Variants in MFSD2B observed in about 807,000 individuals in gnomAD.
The protein encoded by MFSD2B is sphingosine-1-phosphate transporter MFSD2B.
In MFSD2B, 56 loss-of-function variants were observed where a neutral mutation model predicts 58.4. The observed-to-expected ratio is 0.96, with a 90% confidence interval of 0.77 to 1.20. MFSD2B has a LOEUF of 1.20. Among genes scored for constraint, MFSD2B ranks in the 50% most tolerant of loss-of-function variants. The pLI is 0.00. For missense variants in MFSD2B, 645 were observed against 667.6 expected, an observed-to-expected ratio of 0.97 and a Z score of 0.37; for synonymous variants, 287 against 294.4, an observed-to-expected ratio of 0.97 and a Z score of 0.26.
chr2:24,021,731 G>T lies in MFSD2B; in HGVS notation c.765G>T (p.Glu255Asp). The T allele has an allele frequency of 1.2e-6, 2 of 1,613,512 alleles. No homozygotes were observed. The highest frequency in any genetic ancestry group is 1.7e-6 in the Non-Finnish European group (2 of 1,179,686). The stretch of plus-strand genomic sequence containing the variant: ...GTTTACTGTGCCTAGGGGTGAAGGA[G>T]CGGCCAGGTATGGGGTTTGGTGAGG... ...CISLLCLGVK[E>D]RPDPSAPASG... is the part of the protein sequence containing the mutation. Residue 255 changes from glutamate (E) to aspartate (D), a missense_variant, in exon 7 of 14, where the codon GAG becomes GAT. Physicochemically the swap from Glu to Asp is conservative, Grantham distance 45. Coordinates refer to ENST00000338315, the MANE Select transcript of MFSD2B (RefSeq NM_001346880.2). The surrounding 1 kb of genome is among the most constrained non-coding windows in gnomAD (Gnocchi z 5.7).
rs2150943410 is a variant in MFSD2B, at chr2:24,024,402, G to A, written c.1490+131G>A. On this transcript the variant is annotated intron_variant, in intron 13 of 13. Coordinates refer to ENST00000338315, the MANE Select transcript of MFSD2B (RefSeq NM_001346880.2). The surrounding 1 kb of genome is among the most constrained non-coding windows in gnomAD (Gnocchi z 4.3). ...TCTGGGACCTCTTTCCTTAGCTCAG[G>A]GTCACCCTTTTCTCCTGGATTTTCT... 2 of 952,156 alleles carry A rather than the reference G, an allele frequency of 2.1e-6. No individual in the cohort carries two copies. Among genetic ancestry groups the A allele is most frequent in the East Asian group, 5.3e-5 (2 of 37,880 alleles). 59.0% of individuals were successfully genotyped at this position (952,156 alleles called of 1,614,324 possible).
At position 24,022,932 on chromosome 2, in the gene MFSD2B, G is replaced by A. The variant is rs1354981896; in HGVS notation, c.1059+30G>A. The stretch of plus-strand genomic sequence containing the variant: ...GTGAGGCGGGAATCAAGGATTGGGG[G>A]TGGCCGGAGGGGAGAGGTGAGCGAG... On this transcript the variant is annotated intron_variant, in intron 10 of 13. Transcript: ENST00000338315. The surrounding 1 kb of genome is among the most constrained non-coding windows in gnomAD (Gnocchi z 4.5). The A allele has an allele frequency of 1.3e-6, 2 of 1,587,384 alleles. No individual in the cohort carries two copies. Among genetic ancestry groups the A allele is most frequent in the African/African-American group, 1.3e-5 (1 of 74,576 alleles).
Position 24,024,129 on chromosome 2 carries a change from G to A in MFSD2B, c.1348G>A (p.Ala450Thr), listed in dbSNP as rs768971294. 5 of 1,613,894 alleles carry A rather than the reference G, an allele frequency of 3.1e-6. No homozygotes were observed. The highest frequency in any genetic ancestry group is 3.3e-5 in the Admixed American group (2 of 60,006). The change falls in exon 13 of 14, where the codon GCA becomes ACA. Residue 450 changes from alanine to threonine, a missense_variant. By Grantham distance (58) the Ala-to-Thr change is moderately conservative. Coordinates refer to ENST00000338315, the MANE Select transcript of MFSD2B (RefSeq NM_001346880.2). The surrounding 1 kb of genome is among the most constrained non-coding windows in gnomAD (Gnocchi z 4.3). ...SGYKAGVCKQ[A>T]EEVVVTLKVL... is the part of the protein sequence containing the mutation. ...GTATAAGGCAGGGGTCTGCAAGCAA[G>A]CAGAGGAGGTGGTGGTCACCCTCAA...
rs1662765236 is a variant in MFSD2B at position 24,021,098 on chromosome 2, A to T, written c.682-550A>T. 6.6e-6 allele frequency among the ~76,000 whole-genome samples: 1 copy of T among 151,742 alleles called. No individual in the cohort carries two copies. The highest frequency in any genetic ancestry group is 1.9e-4 in the East Asian group (1 of 5,158). On this transcript the variant is annotated intron_variant, in intron 6 of 13. Transcript: ENST00000338315. This position sits in a 1 kb window ranked among gnomAD's most constrained non-coding sequence, Gnocchi z 5.7. Reference sequence around the variant, plus strand: ...TTTTTAGTAGAGATGGGGTTTCACGATGTTGGCCAGGCTGGTCTGGAACTC... The same window carrying T: ...TTTTTAGTAGAGATGGGGTTTCACGTTGTTGGCCAGGCTGGTCTGGAACTC...
rs374381466 is a variant in MFSD2B at position 24,022,489 on chromosome 2, C to T, written c.951C>T (p.His317=). ...CACATGCCTCCCAGCTACACGACCACGTCCAGGGCCTGGTACTAACTGTCC... is the reference window on the plus strand; with the variant it reads ...CACATGCCTCCCAGCTACACGACCATGTCCAGGGCCTGGTACTAACTGTCC... ...FCTHASQLHD[H]VQGLVLTVLV... The change falls in exon 9 of 14, where the codon CAC becomes CAT. Residue 317 remains histidine, a synonymous_variant. Coordinates refer to ENST00000338315, the MANE Select transcript of MFSD2B (RefSeq NM_001346880.2). The surrounding 1 kb of genome is among the most constrained non-coding windows in gnomAD (Gnocchi z 4.5). 1.2e-4 allele frequency: 199 copies of T among 1,613,164 alleles called. No homozygotes were observed. The highest frequency in any genetic ancestry group is 1.3e-4 in the Non-Finnish European group (156 of 1,179,658).
At chr2:24,019,508 A>G (rs1662677779) in intron 6 of MFSD2B, among the ~76,000 whole-genome samples, 1 of 152,074 alleles carries the variant, frequency 6.6e-6, no homozygotes, top group African/African-American at 2.4e-5. Flanking sequence ...GGATCATTTG[A>G]GGTCAGGAGT....
In MFSD2B at chr2:24,017,589, G is replaced by A. The variant is rs565603389; in HGVS notation, c.681+1G>A. The A allele has an allele frequency of 5.8e-6, 9 of 1,551,380 alleles. No individual in the cohort carries two copies. In the African/African-American group the frequency reaches 9.5e-5, roughly 16 times the overall value. Reference sequence around the variant, plus strand: ...GCCAGTCACTGTCTCCCCGAATGCAGTAAGTGCACTGGGTGGCAAGGCCCC... The same window carrying A: ...GCCAGTCACTGTCTCCCCGAATGCAATAAGTGCACTGGGTGGCAAGGCCCC... On this transcript the variant is annotated splice_donor_variant, in intron 6 of 13. Coordinates refer to ENST00000338315, the MANE Select transcript of MFSD2B (RefSeq NM_001346880.2). LOFTEE classifies it high-confidence loss of function. The surrounding 1 kb of genome is among the most constrained non-coding windows in gnomAD (Gnocchi z 4.8).
rs564517459 is a variant in MFSD2B, at chr2:24,024,408, C to T, written c.1490+137C>T. On this transcript the variant is annotated intron_variant, in intron 13 of 13. Coordinates refer to ENST00000338315, the MANE Select transcript of MFSD2B (RefSeq NM_001346880.2). The surrounding 1 kb of genome is among the most constrained non-coding windows in gnomAD (Gnocchi z 4.3). The stretch of plus-strand genomic sequence containing the variant: ...ACCTCTTTCCTTAGCTCAGGGTCAC[C>T]CTTTTCTCCTGGATTTTCTTCTCCC... 44 of 888,192 alleles carry T rather than the reference C, an allele frequency of 5.0e-5. No homozygotes were observed. In the African/African-American group the frequency reaches 6.7e-4, roughly 14 times the overall value. The allele number at this position is 888,192 out of a possible 1,614,324, so 55.0% of individuals were successfully genotyped here.
Position 24,017,602 on chromosome 2 carries a change from G to T in MFSD2B, c.681+14G>T. On this transcript the variant is annotated intron_variant, in intron 6 of 13. Coordinates refer to ENST00000338315, the MANE Select transcript of MFSD2B (RefSeq NM_001346880.2). The surrounding 1 kb of genome is among the most constrained non-coding windows in gnomAD (Gnocchi z 4.8). ...TCCCCGAATGCAGTAAGTGCACTGG[G>T]TGGCAAGGCCCCCCAACCTGGGGTC... The T allele has an allele frequency of 6.5e-7, 1 of 1,538,782 alleles. No individual in the cohort carries two copies. The highest frequency in any genetic ancestry group is 8.8e-7 in the Non-Finnish European group (1 of 1,139,928).
rs1558319440 is a variant in MFSD2B, at chr2:24,013,294, G to A, written c.106G>A (p.Ala36Thr). 6.2e-7 allele frequency: 1 copy of A among 1,603,404 alleles called. No homozygotes were observed. The highest frequency in any genetic ancestry group is 8.5e-7 in the Non-Finnish European group (1 of 1,172,518). ...CCTGTGTCTCCTCCAGGACAGCAGA[G>A]CCGGTCGCCTCTCATTCTGTACAAA... ...SAKRGREDSR[A>T]GRLSFCTKVC... is the part of the protein sequence containing the mutation. Residue 36 changes from alanine (A) to threonine (T), a missense_variant, in exon 2 of 14, where the codon GCC becomes ACC. Physicochemically the swap from Ala to Thr is moderately conservative, Grantham distance 58. Transcript: ENST00000338315.
At position 24,017,309 on chromosome 2, in the gene MFSD2B, G is replaced by C. The variant is rs960835801; in HGVS notation, c.495G>C (p.Ala165=). ...LATFFQVPYT[A]LTMLLTPCPR... is the part of the protein sequence containing the mutation. Reference sequence around the variant, plus strand: ...AGTTCTTCCAGGTGCCCTACACAGCGCTCACCATGCTGCTGACTCCCTGCC... The same window carrying C: ...AGTTCTTCCAGGTGCCCTACACAGCCCTCACCATGCTGCTGACTCCCTGCC... The change falls in exon 5 of 14, where the codon GCG becomes GCC. Residue 165 remains alanine, a synonymous_variant. Coordinates refer to ENST00000338315, the MANE Select transcript of MFSD2B (RefSeq NM_001346880.2). The surrounding 1 kb of genome is among the most constrained non-coding windows in gnomAD (Gnocchi z 4.8). The C allele has an allele frequency of 6.2e-7, 1 of 1,604,268 alleles. No homozygotes were observed. The highest frequency in any genetic ancestry group is 1.7e-5 in the Admixed American group (1 of 58,948).
chr2:24,016,644 C>T (rs1709155129), intron 3 of MFSD2B, among the ~76,000 whole-genome samples: 1 of 152,200 alleles, frequency 6.6e-6, no homozygotes, highest in Non-Finnish European at 1.5e-5. Context: ...GCAGCTGGAG[C>T]TCCCACGAGG....
Position 24,016,917 on chromosome 2 carries a change from G to C in MFSD2B, c.420G>C (p.Leu140=). The stretch of plus-strand genomic sequence containing the variant: ...GGTTCCTGCCCCCCTTCACCAGCCT[G>C]CGAGGCCTCTGGTACACGACTTTCT... The part of the protein sequence containing the change: ...FLWFLPPFTS[L]RGLWYTTFYC... Residue 140 remains leucine, a synonymous_variant, in exon 4 of 14, where the codon CTG becomes CTC. Coordinates refer to ENST00000338315, the MANE Select transcript of MFSD2B (RefSeq NM_001346880.2). 6.2e-7 allele frequency: 1 copy of C among 1,613,932 alleles called. No individual in the cohort carries two copies. The highest frequency in any genetic ancestry group is 8.5e-7 in the Non-Finnish European group (1 of 1,179,872).
Position 24,017,516 on chromosome 2 carries a change from G to A in MFSD2B, c.609G>A (p.Val203=), listed in dbSNP as rs541826199. 2 of 1,587,500 alleles carry A rather than the reference G, an allele frequency of 1.3e-6. No homozygotes were observed. Among genetic ancestry groups the A allele is most frequent in the Non-Finnish European group, 1.7e-6 (2 of 1,167,022 alleles). The change falls in exon 6 of 14, where the codon GTG becomes GTA. Residue 203 remains valine (V), a synonymous_variant. Transcript: ENST00000338315. The surrounding 1 kb of genome is among the most constrained non-coding windows in gnomAD (Gnocchi z 4.8). ...GGGCCACTGTCCACGGGCTCATCGT[G>A]TCCGGCGCCCACAGACCCCACAGGT... ...LMGATVHGLI[V]SGAHRPHRCE... is the part of the protein sequence containing the mutation.
In MFSD2B at chr2:24,024,669, A is replaced by C. The variant is rs1662916563; in HGVS notation, c.1490+398A>C. On this transcript the variant is annotated intron_variant, in intron 13 of 13. Coordinates refer to ENST00000338315, the MANE Select transcript of MFSD2B (RefSeq NM_001346880.2). The surrounding 1 kb of genome is among the most constrained non-coding windows in gnomAD (Gnocchi z 4.3). ...ATATCACTGGCATGTGGACATTTCCACCTAGTAGCCCACAAGCCTGGCACT... is the reference window on the plus strand; with the variant it reads ...ATATCACTGGCATGTGGACATTTCCCCCTAGTAGCCCACAAGCCTGGCACT... Among the ~76,000 whole-genome samples, 1 of 151,468 alleles carries C rather than the reference A, an allele frequency of 6.6e-6. No individual in the cohort carries two copies. The highest frequency in any genetic ancestry group is 1.5e-5 in the Non-Finnish European group (1 of 67,896).
intron 1 of MFSD2B, among the ~76,000 whole-genome samples, chr2:24,011,117 C>T (rs1158581607): frequency 6.6e-6 from 1 of 152,206 alleles, no homozygotes; most frequent in African/African-American, 2.4e-5. Context: ...CCCTGGGTCA[C>T]GCAGCTAGAG....
intron 2 of MFSD2B, among the ~76,000 whole-genome samples, chr2:24,015,496 GT>G (rs1275577913): frequency 1.4e-4 from 21 of 152,168 alleles, no homozygotes; most frequent in African/African-American, 5.1e-4. Context: ...ATCCACGAAT[GT>G]TTAAGATGAC....
Position 24,010,121 on chromosome 2 carries a change from G to A in MFSD2B, c.25G>A (p.Ala9Thr). The A allele has an allele frequency of 3.4e-6, 5 of 1,461,020 alleles. No individual in the cohort carries two copies. The highest frequency in any genetic ancestry group is 4.5e-6 in the Non-Finnish European group (5 of 1,113,006). The allele number at this position is 1,461,020 out of a possible 1,614,324, so 90.5% of individuals were successfully genotyped here. ...AATGGCGGCGCCCCCTGCACCAGCCGCCAAGGGGTCCCCGCAGCCGGAGCC... is the reference window on the plus strand; with the variant it reads ...AATGGCGGCGCCCCCTGCACCAGCCACCAAGGGGTCCCCGCAGCCGGAGCC... The part of the protein sequence containing the change: MAAPPAPA[A>T]KGSPQPEPHA... The change falls in exon 1 of 14, where the codon GCC becomes ACC. Residue 9 changes from alanine (A) to threonine (T), a missense_variant. Physicochemically the swap from Ala to Thr is moderately conservative, Grantham distance 58 (BLOSUM62 0). Transcript: ENST00000338315.
In MFSD2B at chr2:24,017,454, C is replaced by T; in HGVS notation, c.551-4C>T. Reference sequence around the variant, plus strand: ...AGTCACCTTAAGTGGCACTCTGTCTCCAGGGATGACTGTGGAGATGGCGGG... The same window carrying T: ...AGTCACCTTAAGTGGCACTCTGTCTTCAGGGATGACTGTGGAGATGGCGGG... On this transcript the variant is annotated splice_region_variant and splice_polypyrimidine_tract_variant and intron_variant, in intron 5 of 13. Coordinates refer to ENST00000338315, the MANE Select transcript of MFSD2B (RefSeq NM_001346880.2). This position sits in a 1 kb window ranked among gnomAD's most constrained non-coding sequence, Gnocchi z 4.8. 2 of 1,601,754 alleles carry T rather than the reference C, an allele frequency of 1.2e-6. No homozygotes were observed. Among genetic ancestry groups the T allele is most frequent in the Non-Finnish European group, 1.7e-6 (2 of 1,174,268 alleles).
Sources: gnomAD v4.1 joint callset for allele counts (sites outside exome capture counted in the v4.1 genomes callset) on GRCh38, gnomAD v4.1.1 for gene constraint, Gnocchi (gnomAD v3.1) non-coding constraint, MANE v1.5 for transcripts, NCBI Gene and HGNC (gene_info 2026-07-23, HGNC 2026-07-21) for gene names.